Variants in PPARD observed in about 807,000 individuals in gnomAD.
PPARD encodes peroxisome proliferator-activated receptor delta.
In PPARD, 6 loss-of-function variants were observed where a neutral mutation model predicts 39.5. The ratio of observed to expected loss-of-function variants is 0.15; its 90% CI spans 0.08 to 0.30. PPARD has a LOEUF of 0.30. Ranked by LOEUF, PPARD falls within the 10% of genes least tolerant of loss-of-function variation. The pLI is 1.00. For missense variants in PPARD, 397 were observed against 596.8 expected, an observed-to-expected ratio of 0.67 and a Z score of 3.49; for synonymous variants, 210 against 231.3, an observed-to-expected ratio of 0.91 and a Z score of 0.83.
rs1186951711 is a variant in PPARD at position 35,418,040 on chromosome 6, T to A, written c.131-2087T>A. On this transcript the variant is annotated intron_variant, in intron 3 of 7. Coordinates refer to ENST00000360694, the MANE Select transcript of PPARD (RefSeq NM_006238.5). ...AGGCACCTCCAGGAGGTGTGAATAA[T>A]CTGAGGGTATTGGCCACTGTGGACA... Among the ~76,000 whole-genome samples, 4 of 151,822 alleles carry A rather than the reference T, an allele frequency of 2.6e-5. No individual in the cohort carries two copies. In the East Asian group the frequency reaches 5.8e-4, roughly 22 times the overall value.
intron 3 of PPARD, among the ~76,000 whole-genome samples, chr6:35,411,447 G>A (rs952063005): frequency 6.6e-6 from 1 of 152,252 alleles, no homozygotes; most frequent in Non-Finnish European, 1.5e-5. Flanking sequence ...ACAGGCCAAA[G>A]GATGGTAGGT....
chr6:35,355,976 T>C (rs1761589104), intron 2 of PPARD, among the ~76,000 whole-genome samples: 1 of 151,554 alleles, frequency 6.6e-6, no homozygotes, highest in Non-Finnish European at 1.5e-5. Context: ...TCAGAAAGAC[T>C]CCCCAGAAAA....
In PPARD at chr6:35,401,514, C is replaced by T. The variant is rs867293220; in HGVS notation, c.-101-9473C>T. 6.6e-6 allele frequency among the ~76,000 whole-genome samples: 1 copy of T among 152,194 alleles called. No individual in the cohort carries two copies. The highest frequency in any genetic ancestry group is 1.5e-5 in the Non-Finnish European group (1 of 68,046). On this transcript the variant is annotated intron_variant, in intron 2 of 7. Coordinates refer to ENST00000360694, the MANE Select transcript of PPARD (RefSeq NM_006238.5). This position sits in a 1 kb window ranked among gnomAD's most constrained non-coding sequence, Gnocchi z 4.1. ...TAAATACCCACATCCTCAGCTTACC[C>T]TTCAAGACGCTGAGTGACCTCTAGC...
At position 35,426,413 on chromosome 6, in the gene PPARD, C is replaced by G; in HGVS notation, c.*334C>G. 3 of 381,232 alleles carry G rather than the reference C, an allele frequency of 7.9e-6. No individual in the cohort carries two copies. The highest frequency in any genetic ancestry group is 1.5e-5 in the Non-Finnish European group (3 of 206,724). The allele number at this position is 381,232 out of a possible 1,614,324, so 23.6% of individuals were successfully genotyped here. A position where few individuals can be genotyped will look rare whatever the true frequency, so the allele number is the denominator to read the frequency against. ...TCTCTCCACCCCCCACGTCTGTCCTCCTTTCTTATTCTGTGAGATGTTTTG... is the reference window on the plus strand; with the variant it reads ...TCTCTCCACCCCCCACGTCTGTCCTGCTTTCTTATTCTGTGAGATGTTTTG... On this transcript the variant is annotated 3_prime_UTR_variant, in exon 8 of 8. Transcript: ENST00000360694.
intron 2 of PPARD, among the ~76,000 whole-genome samples, chr6:35,393,017 C>T (rs974146357): frequency 6.6e-6 from 1 of 152,200 alleles, no homozygotes; most frequent in Non-Finnish European, 1.5e-5. Flanking sequence ...TGAGGATCAG[C>T]CCTCTGAGGT....
At position 35,427,837 on chromosome 6, in the gene PPARD, C is replaced by T. The variant is rs1346026637; in HGVS notation, c.*1758C>T. 1 of 152,858 alleles carries T rather than the reference C, an allele frequency of 6.5e-6. No homozygotes were observed. Among genetic ancestry groups the T allele is most frequent in the Non-Finnish European group, 1.5e-5 (1 of 68,222 alleles). 9.5% of individuals were successfully genotyped at this position (152,858 alleles called of 1,614,324 possible). A position where few individuals can be genotyped will look rare whatever the true frequency, so the allele number is the denominator to read the frequency against. On this transcript the variant is annotated 3_prime_UTR_variant, in exon 8 of 8. Transcript: ENST00000360694. ...TGGGTGGAAGTGCCCAGCCCCTGCCCCTACGGGCGCTGCAGCCTCCCTTCC... is the reference window on the plus strand; with the variant it reads ...TGGGTGGAAGTGCCCAGCCCCTGCCTCTACGGGCGCTGCAGCCTCCCTTCC...
chr6:35,411,029 C>G lies in PPARD; in HGVS notation c.-59C>G. On this transcript the variant is annotated 5_prime_UTR_variant, in exon 3 of 8. Transcript: ENST00000360694. The stretch of plus-strand genomic sequence containing the variant: ...TGTAGAGGTCCATCTGCGTTCAGAC[C>G]CAGACGATGCCAGAGCTATGACTGG... 1 of 1,413,396 alleles carries G rather than the reference C, an allele frequency of 7.1e-7. No individual in the cohort carries two copies. The allele number at this position is 1,413,396 out of a possible 1,614,324, so 87.6% of individuals were successfully genotyped here.
chr6:35,361,851 T>C (rs1490908827), intron 2 of PPARD, among the ~76,000 whole-genome samples: 1 of 152,162 alleles, frequency 6.6e-6, no homozygotes, highest in African/African-American at 2.4e-5. Flanking sequence ...CACGAGGTGA[T>C]GGAGGAAGGG....
intron 2 of PPARD, among the ~76,000 whole-genome samples, chr6:35,407,796 A>C (rs1765153832): frequency 6.7e-6 from 1 of 149,630 alleles, no homozygotes; most frequent in African/African-American, 2.5e-5. Flanking sequence ...TCTTTCACAC[A>C]ATTAAAAAAA....
intron 2 of PPARD, among the ~76,000 whole-genome samples, chr6:35,378,799 C>A (rs1182962523): frequency 6.6e-6 from 1 of 152,156 alleles, no homozygotes; most frequent in Non-Finnish European, 1.5e-5. Context: ...CCTACTGCGA[C>A]TTAACAACTA....
At chr6:35,375,614 A>G (rs1044985834) in intron 2 of PPARD, among the ~76,000 whole-genome samples, 1 of 152,092 alleles carries the variant, frequency 6.6e-6, no homozygotes, top group African/African-American at 2.4e-5. Flanking sequence ...CAGTGGTGTG[A>G]TCACAGCTCA....
At chr6:35,410,873 G>GC in intron 2 of PPARD, 114 bp from the exon 3 acceptor site, 1 of 1,200,778 alleles carries the variant, frequency 8.3e-7, no homozygotes, top group Non-Finnish European at 1.0e-6. Flanking sequence ...TAGGGAAGGA[G>GC]CAGGAGCAGA....
chr6:35,394,043 G>A (rs990027287), intron 2 of PPARD, among the ~76,000 whole-genome samples: 3 of 152,174 alleles, frequency 2.0e-5, no homozygotes, highest in African/African-American at 7.2e-5. Flanking sequence ...AAAAGATGTT[G>A]ATGCTCGTTT....
intron 2 of PPARD, among the ~76,000 whole-genome samples, chr6:35,354,766 G>T (rs976376852): frequency 3.9e-5 from 6 of 152,178 alleles, no homozygotes; most frequent in Admixed American, 2.0e-4. Flanking sequence ...TGTTCGGCAG[G>T]TTACATATAT....
At chr6:35,392,960 T>C (rs1224518936) in intron 2 of PPARD, among the ~76,000 whole-genome samples, 3 of 152,178 alleles carry the variant, frequency 2.0e-5, no homozygotes, top group African/African-American at 4.8e-5. Flanking sequence ...GAAATGGTGC[T>C]CCTTGTCAAG....
At chr6:35,380,225 T>G (rs1425161571) in intron 2 of PPARD, among the ~76,000 whole-genome samples, 1 of 152,190 alleles carries the variant, frequency 6.6e-6, no homozygotes, top group Non-Finnish European at 1.5e-5. Context: ...GAAGCTCCAT[T>G]AGGTCATGAG....
chr6:35,374,170 AT>A (rs1255808186), intron 2 of PPARD, among the ~76,000 whole-genome samples: 2 of 151,960 alleles, frequency 1.3e-5, no homozygotes, highest in Non-Finnish European at 2.9e-5. Flanking sequence ...CACTCTGTAC[AT>A]GGGACCTGAA....
rs761524572 is a variant in PPARD at position 35,411,190 on chromosome 6, C to A, written c.103C>A (p.His35Asn). Residue 35 changes from histidine (H) to asparagine (N), a missense_variant, in exon 3 of 8, where the codon CAT (histidine) becomes AAT (asparagine). His to Asn is a moderately conservative substitution (Grantham distance 68). Transcript: ENST00000360694. The stretch of plus-strand genomic sequence containing the variant: ...CCCAGAGCTCAATGGGGGACCACAG[C>A]ATGCACTTCCTTCCAGCAGCTACAC... ...GAPELNGGPQ[H>N]ALPSSSYTDL... 2 of 1,553,962 alleles carry A rather than the reference C, an allele frequency of 1.3e-6. No individual in the cohort carries two copies. The highest frequency in any genetic ancestry group is 1.7e-6 in the Non-Finnish European group (2 of 1,149,186).
At chr6:35,392,173 C>G (rs1412282596) in intron 2 of PPARD, among the ~76,000 whole-genome samples, 1 of 151,918 alleles carries the variant, frequency 6.6e-6, no homozygotes, top group African/African-American at 2.4e-5. Context: ...CCTGTACTTC[C>G]CAGTCTGGGC....
Sources: gnomAD v4.1 joint callset for allele counts (sites outside exome capture counted in the v4.1 genomes callset) on GRCh38, gnomAD v4.1.1 for gene constraint, Gnocchi (gnomAD v3.1) non-coding constraint, MANE v1.5 for transcripts, NCBI Gene and HGNC (gene_info 2026-07-23, HGNC 2026-07-21) for gene names.